PKP1: variants seen among roughly 807,000 people sequenced by gnomAD.
The protein encoded by PKP1 is plakophilin 1.
PKP1 carries 27 observed loss-of-function variants against 76.4 expected under a neutral mutation model. The observed-to-expected ratio is 0.35, with a 90% CI of 0.26 to 0.49. The LOEUF (loss-of-function observed/expected upper bound fraction) is 0.49, where lower values mean the gene tolerates loss of function less well. Ranked by LOEUF, PKP1 falls within the 20% of genes least tolerant of loss-of-function variation. The pLI is 0.99. For synonymous variants in PKP1, 404 were observed against 384.2 expected, an observed-to-expected ratio of 1.05 and a Z score of -0.60; for missense variants, 964 against 955.2, an observed-to-expected ratio of 1.01 and a Z score of -0.12.
intron 11 of PKP1, 62 bp downstream of exon 11, chr1:201,325,189 G>A (rs1657078860): frequency 7.2e-6 from 11 of 1,523,410 alleles, no homozygotes; most frequent in Non-Finnish European, 1.0e-5. Context: ...ACCCTGCACA[G>A]CAGGAAGCAG....
Position 201,313,511 on chromosome 1 carries a change from A to G in PKP1, c.652A>G (p.Ile218Val), listed in dbSNP as rs1335367450. 13 of 1,613,834 alleles carry G rather than the reference A, an allele frequency of 8.1e-6. No individual in the cohort carries two copies. Among genetic ancestry groups the G allele is most frequent in the Non-Finnish European group, 1.1e-5 (13 of 1,179,994 alleles). The change falls in exon 3 of 14, where the codon ATC (isoleucine) becomes GTC (valine). Residue 218 changes from isoleucine to valine, a missense_variant. Coordinates refer to ENST00000367324, the MANE Select transcript of PKP1 (RefSeq NM_001005337.3). ...GCAGGACCCTGTGTATATCCCGCCC[A>G]TCTCCTGCAACAAGGACCTGTCCTT... ...SKQDPVYIPP[I>V]SCNKDLSFGH...
chr1:201,294,911 T>G (rs1445514567), intron 2 of PKP1, among the ~76,000 whole-genome samples: 1 of 152,208 alleles, frequency 6.6e-6, no homozygotes, highest in East Asian at 1.9e-4. Context: ...TGCTCTAAAG[T>G]CAGGAGTACC....
At chr1:201,327,741 C>T (rs1657189331) in intron 12 of PKP1, among the ~76,000 whole-genome samples, 1 of 152,108 alleles carries the variant, frequency 6.6e-6, no homozygotes, top group Admixed American at 6.6e-5. Flanking sequence ...TGCTTGACAA[C>T]CATCCTGGGC....
intron 2 of PKP1, among the ~76,000 whole-genome samples, chr1:201,312,292 G>A (rs1429582884): frequency 6.6e-6 from 1 of 152,232 alleles, no homozygotes; most frequent in Non-Finnish European, 1.5e-5. Context: ...GTAGAAAACA[G>A]TCCTGGCCAG....
At chr1:201,316,019 G>A (rs1656709739) in intron 3 of PKP1, among the ~76,000 whole-genome samples, 1 of 152,192 alleles carries the variant, frequency 6.6e-6, no homozygotes, top group Non-Finnish European at 1.5e-5. Context: ...GAGCCAGCTG[G>A]ACTTGGGGAT....
Position 201,325,044 on chromosome 1 carries a change from C to T in PKP1, c.1938C>T (p.Asn646=), listed in dbSNP as rs781360485. The change falls in exon 11 of 14, where the codon AAC becomes AAT. Residue 646 remains asparagine (N), a synonymous_variant. Transcript: ENST00000367324. ...ILSSACYTVR[N]LMASQPQLAK... ...CCTCGGCCTGCTACACTGTGAGGAACCTGATGGCCTCGCAGCCACAACTGG... is the reference window on the plus strand; with the variant it reads ...CCTCGGCCTGCTACACTGTGAGGAATCTGATGGCCTCGCAGCCACAACTGG... 15 of 1,613,772 alleles carry T rather than the reference C, an allele frequency of 9.3e-6. No homozygotes were observed. The highest frequency in any genetic ancestry group is 1.3e-5 in the Non-Finnish European group (15 of 1,179,998).
intron 2 of PKP1, among the ~76,000 whole-genome samples, chr1:201,299,281 C>G (rs1180829731): frequency 3.3e-5 from 5 of 152,228 alleles, no homozygotes; most frequent in Admixed American, 3.3e-4. Context: ...AGTTCTTAAT[C>G]TAGCTGAACC....
intron 1 of PKP1, among the ~76,000 whole-genome samples, chr1:201,285,048 T>C (rs536041535): frequency 6.6e-6 from 1 of 152,138 alleles, no homozygotes; most frequent in African/African-American, 2.4e-5. Context: ...CTTGTTTATT[T>C]ATTTACTTAT....
rs867322740 is a variant in PKP1 at position 201,332,435 on chromosome 1, G to A, written c.*2394G>A. 2 of 152,282 alleles carry A rather than the reference G, an allele frequency of 1.3e-5. No individual in the cohort carries two copies. The highest frequency in any genetic ancestry group is 6.5e-5 in the Admixed American group (1 of 15,294). 9.4% of individuals were successfully genotyped at this position (152,282 alleles called of 1,614,324 possible). A position where few individuals can be genotyped will look rare whatever the true frequency, so the allele number is the denominator to read the frequency against. On this transcript the variant is annotated 3_prime_UTR_variant, in exon 14 of 14. Coordinates refer to ENST00000367324, the MANE Select transcript of PKP1 (RefSeq NM_001005337.3). Reference sequence around the variant, plus strand: ...CTGACCCAGGCCTGTCACTTTGAGAGGGGCAAAACTGAGAGGGGCTTTTCC... The same window carrying A: ...CTGACCCAGGCCTGTCACTTTGAGAAGGGCAAAACTGAGAGGGGCTTTTCC...
At chr1:201,319,204 A>G (rs1656861876) in intron 6 of PKP1, among the ~76,000 whole-genome samples, 2 of 152,190 alleles carry the variant, frequency 1.3e-5, no homozygotes, top group Admixed American at 1.3e-4. Context: ...TGTTAAAACC[A>G]TTTGCCATGT....
chr1:201,298,169 G>C (rs1656126870), intron 2 of PKP1, among the ~76,000 whole-genome samples: 1 of 152,180 alleles, frequency 6.6e-6, no homozygotes, highest in South Asian at 2.1e-4. Flanking sequence ...GAGAAAAGGA[G>C]GATTTTTGTC....
At chr1:201,284,672 C>T (rs1299886404) in intron 1 of PKP1, among the ~76,000 whole-genome samples, 4 of 152,164 alleles carry the variant, frequency 2.6e-5, no homozygotes, top group Admixed American at 6.5e-5. Flanking sequence ...CTTTCTTTCC[C>T]GAATAGCCAA....
chr1:201,327,667 TC>T (rs1200391200), intron 12 of PKP1, among the ~76,000 whole-genome samples: 1 of 147,048 alleles, frequency 6.8e-6, no homozygotes, highest in East Asian at 2.0e-4. Flanking sequence ...CGGTGGGAAT[TC>T]CCTTCTACAC....
intron 12 of PKP1, chr1:201,328,547 A>C (rs1657216604): frequency 4.9e-6 from 3 of 612,568 alleles, no homozygotes; most frequent in African/African-American, 1.8e-5. Flanking sequence ...CACATGTGTC[A>C]GTGGAAGTTC....
chr1:201,301,075 G>A (rs1656213127), intron 2 of PKP1, among the ~76,000 whole-genome samples: 1 of 152,208 alleles, frequency 6.6e-6, no homozygotes, highest in African/African-American at 2.4e-5. Flanking sequence ...ATGCTCCTCA[G>A]GGCCGAGTGA....
rs1655638664 is a variant in PKP1, at chr1:201,283,670, G to A, written c.-33G>A. The A allele has an allele frequency of 1.3e-6, 2 of 1,596,788 alleles. No homozygotes were observed. Among genetic ancestry groups the A allele is most frequent in the Admixed American group, 1.7e-5 (1 of 59,006 alleles). On this transcript the variant is annotated 5_prime_UTR_variant, in exon 1 of 14. Coordinates refer to ENST00000367324, the MANE Select transcript of PKP1 (RefSeq NM_001005337.3). Reference sequence around the variant, plus strand: ...TCGCCTCGCCTCTCTGCTCTCCTAGGCCCCGGCCGCGCGCCACCCGCCTCC... The same window carrying A: ...TCGCCTCGCCTCTCTGCTCTCCTAGACCCCGGCCGCGCGCCACCCGCCTCC...
chr1:201,300,098 A>G (rs928271386), intron 2 of PKP1, among the ~76,000 whole-genome samples: 13 of 152,210 alleles, frequency 8.5e-5, no homozygotes, highest in African/African-American at 3.1e-4. Flanking sequence ...AGAGTCCTAC[A>G]AGGGCCCCAG....
intron 3 of PKP1, among the ~76,000 whole-genome samples, chr1:201,315,307 G>A (rs1176465840): frequency 6.6e-6 from 1 of 152,240 alleles, no homozygotes; most frequent in Admixed American, 6.5e-5. Flanking sequence ...CTTACCCAGT[G>A]CCAGAGAACT....
In PKP1 at chr1:201,330,999, C is replaced by T. The variant is rs1364919837; in HGVS notation, c.*958C>T. On this transcript the variant is annotated 3_prime_UTR_variant, in exon 14 of 14. Transcript: ENST00000367324. ...AAAAGCTATTTTATTGCAGCTCTTT[C>T]CCAAGAGCTGTTCTGGGAATGGCTG... 2 of 152,136 alleles carry T rather than the reference C, an allele frequency of 1.3e-5. No individual in the cohort carries two copies. Among genetic ancestry groups the T allele is most frequent in the Non-Finnish European group, 2.9e-5 (2 of 68,030 alleles). 9.4% of individuals were successfully genotyped at this position (152,136 alleles called of 1,614,324 possible).
Sources: gnomAD v4.1 joint callset for allele counts (sites outside exome capture counted in the v4.1 genomes callset) on GRCh38, gnomAD v4.1.1 for gene constraint, MANE v1.5 for transcripts, NCBI Gene and HGNC (gene_info 2026-07-23, HGNC 2026-07-21) for gene names.